MTTP: variants seen among roughly 807,000 people sequenced by gnomAD.
MTTP encodes the protein microsomal triglyceride transfer protein large subunit.
Under a neutral mutation model 90.6 loss-of-function variants are expected in MTTP, and 49 were observed. That is an observed-to-expected ratio of 0.54 (90% CI 0.43 to 0.69). The LOEUF (loss-of-function observed/expected upper bound fraction) is 0.69, where lower values mean the gene tolerates loss of function less well. MTTP is among the 30% of genes least tolerant of loss of function. The pLI is 0.00. For missense variants in MTTP, 945 were observed against 1,067.5 expected, an observed-to-expected ratio of 0.89 and a Z score of 1.60; for synonymous variants, 347 against 384.2, an observed-to-expected ratio of 0.90 and a Z score of 1.13.
chr4:99,600,864 G>A (rs764424736), intron 9 of MTTP, 131 bp downstream of exon 9: 1 of 897,178 alleles, frequency 1.1e-6, no homozygotes, highest in Admixed American at 2.8e-5. Context: ...TATTCAAATT[G>A]GGGTATTTTC....
chr4:99,599,970 A>T (rs976834566), intron 8 of MTTP, among the ~76,000 whole-genome samples: 2 of 152,136 alleles, frequency 1.3e-5, no homozygotes, highest in African/African-American at 4.8e-5. Context: ...GATGACTAGA[A>T]TATATAACTA....
rs1724921714 is a variant in MTTP at position 99,574,977 on chromosome 4, T to G, written c.61+7T>G. The G allele has an allele frequency of 6.2e-7, 1 of 1,613,912 alleles. No homozygotes were observed. Among genetic ancestry groups the G allele is most frequent in the African/African-American group, 1.3e-5 (1 of 74,916 alleles). ...TATTCAGCTTCTGTTAAAGGTAAGT[T>G]TGTGTTGCCTTTTGCTAAACTTTAA... is the stretch of plus-strand genomic sequence containing the variant. On this transcript the variant is annotated splice_region_variant and intron_variant, in intron 1 of 17. Transcript: ENST00000265517.
At chr4:99,576,972 CT>C (rs1292800245) in intron 1 of MTTP, among the ~76,000 whole-genome samples, 14 of 152,126 alleles carry the variant, frequency 9.2e-5, no homozygotes, top group Admixed American at 5.9e-4. Context: ...CTTCTGGAGT[CT>C]TTGGAAGGAT....
chr4:99,581,613 C>T (rs1725115684), intron 1 of MTTP, among the ~76,000 whole-genome samples: 1 of 141,652 alleles, frequency 7.1e-6, no homozygotes, highest in Non-Finnish European at 1.6e-5. Context: ...AATACAATGG[C>T]ATTTAAACAA....
rs781361642 is a variant in MTTP at position 99,601,722 on chromosome 4, C to T, written c.1344+8C>T. 6 of 1,583,516 alleles carry T rather than the reference C, an allele frequency of 3.8e-6. No individual in the cohort carries two copies. The African/African-American group carries it at 4.0e-5, about 11-fold the overall frequency. ...GAAGGCTGCAAACTCAAAGTAAGTGCAAATCCAATCTCATGTATTACATCA... is the reference window on the plus strand; with the variant it reads ...GAAGGCTGCAAACTCAAAGTAAGTGTAAATCCAATCTCATGTATTACATCA... On this transcript the variant is annotated splice_region_variant and intron_variant, in intron 10 of 17. Transcript: ENST00000265517.
intron 4 of MTTP, among the ~76,000 whole-genome samples, chr4:99,590,711 T>C (rs898993122): frequency 1.3e-5 from 2 of 152,124 alleles, no homozygotes; most frequent in African/African-American, 4.8e-5. Context: ...AGAGTCTGTA[T>C]TGGGATACAT....
intron 1 of MTTP, among the ~76,000 whole-genome samples, chr4:99,569,651 A>C (rs1418459974): frequency 2.0e-5 from 3 of 152,004 alleles, no homozygotes; most frequent in Non-Finnish European, 4.4e-5. Flanking sequence ...ATGCAAGCAC[A>C]AACTATATTC....
chr4:99,618,965 T>C lies in MTTP; in HGVS notation c.2218-9T>C, dbSNP rs1351531271. 3 of 1,610,768 alleles carry C rather than the reference T, an allele frequency of 1.9e-6. No individual in the cohort carries two copies. Among genetic ancestry groups the C allele is most frequent in the Non-Finnish European group, 2.5e-6 (3 of 1,177,364 alleles). On this transcript the variant is annotated splice_polypyrimidine_tract_variant and intron_variant, in intron 15 of 17. Coordinates refer to ENST00000265517, the MANE Select transcript of MTTP (RefSeq NM_001386140.1). ...TTTTTATAACTATTATTATGCTTTT[T>C]TCTTCTAGGAACTTCAGTTACAATC...
chr4:99,591,376 A>G, intron 5 of MTTP, 25 bp downstream of exon 5: 5 of 1,469,858 alleles, frequency 3.4e-6, no homozygotes, highest in Non-Finnish European at 4.8e-6. Context: ...ACTTTCTTTG[A>G]GGCATTAAAA....
intron 1 of MTTP, among the ~76,000 whole-genome samples, chr4:99,575,639 C>T (rs953065383): frequency 2.0e-5 from 3 of 151,908 alleles, no homozygotes; most frequent in African/African-American, 7.3e-5. Context: ...GAATTAATAC[C>T]ATTGAAAAGG....
At chr4:99,592,270 G>A (rs1725445216) in intron 6 of MTTP, among the ~76,000 whole-genome samples, 1 of 152,158 alleles carries the variant, frequency 6.6e-6, no homozygotes, top group South Asian at 2.1e-4. Flanking sequence ...TCATAGACTA[G>A]GACGTTACTG....
chr4:99,615,303 G>C (rs1726072209), intron 15 of MTTP, among the ~76,000 whole-genome samples: 1 of 152,266 alleles, frequency 6.6e-6, no homozygotes, highest in African/African-American at 2.4e-5. Context: ...GAGTATGGCT[G>C]TGTTCCAATA....
chr4:99,611,103 A>T, intron 12 of MTTP, 40 bp from the exon 13 acceptor site: 1 of 1,572,130 alleles, frequency 6.4e-7, no homozygotes, highest in Non-Finnish European at 8.8e-7. Flanking sequence ...AACAGTCATT[A>T]CAATGAATGT....
chr4:99,578,138 A>C (rs1019351116), intron 1 of MTTP, among the ~76,000 whole-genome samples: 2 of 152,212 alleles, frequency 1.3e-5, no homozygotes, highest in African/African-American at 2.4e-5. Context: ...GATTGTACTC[A>C]TATAAATCTG....
chr4:99,574,673 A>G (rs573024574), upstream of MTTP: 1 of 893,270 alleles, frequency 1.1e-6, no homozygotes, highest in African/African-American at 1.7e-5. Flanking sequence ...GGTGAAAAAA[A>G]TTAAAAAGAG....
chr4:99,579,753 G>A (rs1383272771), intron 1 of MTTP, among the ~76,000 whole-genome samples: 1 of 152,048 alleles, frequency 6.6e-6, no homozygotes, highest in Non-Finnish European at 1.5e-5. Context: ...AACTTTGTCT[G>A]CTGGTTGGGT....
chr4:99,619,742 ATG>A (rs1438432598), intron 16 of MTTP, among the ~76,000 whole-genome samples: 1 of 152,216 alleles, frequency 6.6e-6, no homozygotes, highest in African/African-American at 2.4e-5. Context: ...AAAGTGAGAT[ATG>A]TGATAAAATC....
At chr4:99,588,729 ACACATATATATATGTTCAT>A (rs1725320463) in intron 3 of MTTP, among the ~76,000 whole-genome samples, 1 of 125,912 alleles carries the variant, frequency 7.9e-6, no homozygotes, top group Non-Finnish European at 1.6e-5. Context: ...ATATATATAC[ACACATATATATATGTTCAT>A]ATATATACAC....
intron 10 of MTTP, among the ~76,000 whole-genome samples, chr4:99,604,644 C>G (rs1725770888): frequency 6.6e-6 from 1 of 152,074 alleles, no homozygotes; most frequent in African/African-American, 2.4e-5. Context: ...AGTGCCATTG[C>G]AACTAGTCTC....
Sources: allele counts gnomAD v4.1 joint callset (sites outside exome capture counted in the v4.1 genomes callset), GRCh38; gene constraint gnomAD v4.1.1; transcripts MANE v1.5; gene names NCBI Gene and HGNC (gene_info 2026-07-23, HGNC 2026-07-21).